TASOR: variants seen among roughly 807,000 people sequenced by gnomAD.
TASOR encodes the protein transcription activation suppressor, also known as protein TASOR.
TASOR carries 53 observed loss-of-function variants against 178.6 expected under a neutral mutation model. The observed-to-expected ratio is 0.30, with a 90% CI of 0.24 to 0.37. The LOEUF (loss-of-function observed/expected upper bound fraction) is 0.37, where lower values mean the gene tolerates loss of function less well. Ranked by LOEUF, TASOR falls within the 10% of genes least tolerant of loss-of-function variation. The pLI, the probability that TASOR is intolerant of heterozygous loss-of-function variation, is 1.00. For missense variants in TASOR, 1,815 were observed against 1,971.4 expected (o/e 0.92, Z 1.50); for synonymous variants, 713 against 696.2 (o/e 1.02, Z -0.38).
Position 56,623,000 on chromosome 3 carries a change from A to C in TASOR, c.*37T>G, listed in dbSNP as rs776184119. On this transcript the variant is annotated 3_prime_UTR_variant, in exon 24 of 24. Transcript: ENST00000683822. The stretch of plus-strand genomic sequence containing the variant: ...TGAAATATAAATTGTTAATAAACAA[A>C]GTCCACAACAATCTCTTAAAAAAAA... 9.3e-6 allele frequency: 12 copies of C among 1,292,634 alleles called. No homozygotes were observed. The highest frequency in any genetic ancestry group is 1.9e-4 in the Middle Eastern group (1 of 5,174). 80.1% of individuals were successfully genotyped at this position (1,292,634 alleles called of 1,614,324 possible). A position where few individuals can be genotyped will look rare whatever the true frequency, so the allele number is the denominator to read the frequency against.
intron 1 of TASOR, among the ~76,000 whole-genome samples, chr3:56,676,356 A>G (rs2031296446): frequency 1.3e-5 from 2 of 152,256 alleles, no homozygotes; most frequent in African/African-American, 4.8e-5. Flanking sequence ...TACGAAACAC[A>G]AATGAAAGCT....
At chr3:56,669,844 G>T in intron 4 of TASOR, 53 bp from the exon 5 acceptor site, 1 of 1,270,564 alleles carries the variant, frequency 7.9e-7, no homozygotes, top group Non-Finnish European at 1.1e-6. Flanking sequence ...AAAATCACTA[G>T]GACTAAAATA....
intron 18 of TASOR, among the ~76,000 whole-genome samples, chr3:56,629,457 A>C (rs1181630707): frequency 6.6e-6 from 1 of 152,200 alleles, no homozygotes; most frequent in Non-Finnish European, 1.5e-5. Context: ...TTTCACAACC[A>C]TAGCTCTAAT....
chr3:56,681,087 TAA>T lies in TASOR; in HGVS notation c.331+1587_331+1588del, dbSNP rs11310490. On this transcript the variant is annotated intron_variant, in intron 1 of 23. Coordinates refer to ENST00000683822, the MANE Select transcript of TASOR (RefSeq NM_001365635.2). ...CCAATCTTCTGGTCCTAACAAACAG[TAA>T]AAAAAAAAAAAAAAAAATCACGGTT... Among the ~76,000 whole-genome samples, 791 of 117,808 alleles carry T rather than the reference TAA, an allele frequency of 6.7e-3. 3 individuals are homozygous for T. Among genetic ancestry groups the T allele is most frequent in the African/African-American group, 0.02 (677 of 33,356 alleles). The allele number at this position is 117,808 out of a possible 152,430, so 77.3% of individuals were successfully genotyped here. A position where few individuals can be genotyped will look rare whatever the true frequency, so the allele number is the denominator to read the frequency against.
At chr3:56,625,035 A>G (rs1003873050) in intron 21 of TASOR, 29 bp from the exon 22 acceptor site, 1 of 1,589,364 alleles carries the variant, frequency 6.3e-7, no homozygotes, top group African/African-American at 1.4e-5. Context: ...CAGTTTCTGG[A>G]TCTGTACTTC....
chr3:56,664,537 G>A (rs539845597), intron 7 of TASOR, among the ~76,000 whole-genome samples: 17 of 152,284 alleles, frequency 1.1e-4, no homozygotes, highest in East Asian at 3.9e-4. Flanking sequence ...TAAAAGGACC[G>A]TAAATGGAAG....
chr3:56,679,404 A>G lies in TASOR; in HGVS notation c.331+3272T>C, dbSNP rs115152890. Among the ~76,000 whole-genome samples, 281 of 152,330 alleles carry G rather than the reference A, an allele frequency of 1.8e-3. 3 individuals carry two copies. The highest frequency in any genetic ancestry group is 6.5e-3 in the African/African-American group (272 of 41,580). On this transcript the variant is annotated intron_variant, in intron 1 of 23. Transcript: ENST00000683822. The stretch of plus-strand genomic sequence containing the variant: ...CTGAGGATAGCTCAAAGTAAATTTT[A>G]CCTTGATTACTTTGCTATTATGTAT...
chr3:56,678,743 G>A (rs1391526432), intron 1 of TASOR, among the ~76,000 whole-genome samples: 2 of 152,102 alleles, frequency 1.3e-5, no homozygotes, highest in South Asian at 2.1e-4. Context: ...GGGCGTGGCG[G>A]CTCATGCCTG....
rs975880732 is a variant in TASOR at position 56,622,129 on chromosome 3, G to A, written c.*908C>T. ...ATTTGCACTATGACATTTATTTGTAGAAATTGCAATTTTCAAAAACATTTT... is the reference window on the plus strand; with the variant it reads ...ATTTGCACTATGACATTTATTTGTAAAAATTGCAATTTTCAAAAACATTTT... On this transcript the variant is annotated 3_prime_UTR_variant, in exon 24 of 24. Coordinates refer to ENST00000683822, the MANE Select transcript of TASOR (RefSeq NM_001365635.2). The A allele has an allele frequency of 5.9e-5, 9 of 152,148 alleles. No individual in the cohort carries two copies. Among genetic ancestry groups the A allele is most frequent in the African/African-American group, 2.2e-4 (9 of 41,442 alleles). 9.4% of individuals were successfully genotyped at this position (152,148 alleles called of 1,614,324 possible). A position where few individuals can be genotyped will look rare whatever the true frequency, so the allele number is the denominator to read the frequency against.
chr3:56,682,609 T>G (rs922757943), intron 1 of TASOR, 67 bp downstream of exon 1: 10 of 1,357,222 alleles, frequency 7.4e-6, no homozygotes, highest in Non-Finnish European at 8.8e-6. Flanking sequence ...GAAGAGGAGA[T>G]AGAAAGATTC....
At position 56,669,754 on chromosome 3, in the gene TASOR, C is replaced by T. The variant is rs944221989; in HGVS notation, c.681G>A (p.Ala227=). The T allele has an allele frequency of 9.7e-6, 15 of 1,549,016 alleles. No individual in the cohort carries two copies. Among genetic ancestry groups the T allele is most frequent in the East Asian group, 4.9e-5 (2 of 40,860 alleles). Residue 227 remains alanine, a synonymous_variant, in exon 5 of 24, where the codon GCG becomes GCA. Transcript: ENST00000683822. ...YLSRYADLLQ[A]NPLDTGAMGD... ...CCATTGCCCCCGTGTCCAAAGGATT[C>T]GCTTGTAATAAATCAGCATACCTAG...
intron 5 of TASOR, among the ~76,000 whole-genome samples, 160 bp downstream of exon 5, chr3:56,669,540 A>G (rs1228573983): frequency 6.6e-6 from 1 of 152,090 alleles, no homozygotes; most frequent in African/African-American, 2.4e-5. Flanking sequence ...ACACACACAC[A>G]AAAAAAGATG....
At chr3:56,638,303 T>A (rs554007712) in intron 17 of TASOR, among the ~76,000 whole-genome samples, 1 of 152,038 alleles carries the variant, frequency 6.6e-6, no homozygotes, top group Non-Finnish European at 1.5e-5. Context: ...GAGGCAGAGG[T>A]TGCAGTGAGC....
intron 11 of TASOR, among the ~76,000 whole-genome samples, chr3:56,656,120 G>T (rs572959531): frequency 1.3e-5 from 2 of 151,924 alleles, no homozygotes; most frequent in East Asian, 3.9e-4. Context: ...AAGATGAGAA[G>T]AAAAAAATAA....
Position 56,646,752 on chromosome 3 carries a change from G to A in TASOR, c.1985C>T (p.Ala662Val). 1 of 1,613,660 alleles carries A rather than the reference G, an allele frequency of 6.2e-7. No homozygotes were observed. Among genetic ancestry groups the A allele is most frequent in the Non-Finnish European group, 8.5e-7 (1 of 1,179,794 alleles). ...TGATCTTTGCTTTCCAGATATAATGGCTTCACCTCTTGAGTTATTTCGTTT... is the reference window on the plus strand; with the variant it reads ...TGATCTTTGCTTTCCAGATATAATGACTTCACCTCTTGAGTTATTTCGTTT... The part of the protein sequence containing the change: ...FGKRNNSRGE[A>V]IISGKQRSSH... Residue 662 changes from alanine to valine, a missense_variant, in exon 14 of 24, where the codon GCC (alanine) becomes GTC (valine). Physicochemically the swap from Ala to Val is moderately conservative, Grantham distance 64. Transcript: ENST00000683822.
At chr3:56,634,056 ACAC>A in intron 17 of TASOR, 90 bp from the exon 18 acceptor site, 1 of 1,020,108 alleles carries the variant, frequency 9.8e-7, no homozygotes, top group Non-Finnish European at 1.4e-6. Flanking sequence ...AAAAGGGTTA[ACAC>A]ACATTTAGAA....
intron 14 of TASOR, among the ~76,000 whole-genome samples, chr3:56,644,562 G>GA (rs1250062366): frequency 6.6e-6 from 1 of 152,152 alleles, no homozygotes. Flanking sequence ...ACATGTGAGA[G>GA]AACAGTGGGA....
rs1029880705 is a variant in TASOR at position 56,682,862 on chromosome 3, C to T, written c.145G>A (p.Ala49Thr). The change falls in exon 1 of 24, where the codon GCT (alanine) becomes ACT (threonine). Residue 49 changes from alanine (A) to threonine (T), a missense_variant. Ala to Thr is a moderately conservative substitution (Grantham distance 58). Around this residue, in one of 5 missense-constraint regions of TASOR, gnomAD observed 244 missense variants for 202.7 expected, o/e 1.20. Coordinates refer to ENST00000683822, the MANE Select transcript of TASOR (RefSeq NM_001365635.2). ...QNGGGGGLNIAEPSGGAGREE... is the reference protein window; with the variant it reads ...QNGGGGGLNITEPSGGAGREE... ...CGCCCAGCGCCGCCGCTGGGCTCAG[C>T]GATGTTGAGGCCGCCGCCGCCGCCA... is the stretch of plus-strand genomic sequence containing the variant. 8 of 1,549,768 alleles carry T rather than the reference C, an allele frequency of 5.2e-6. No individual in the cohort carries two copies. In the African/African-American group the frequency reaches 9.6e-5, roughly 19 times the overall value.
At chr3:56,645,402 C>T (rs953991800) in intron 14 of TASOR, among the ~76,000 whole-genome samples, 2 of 152,278 alleles carry the variant, frequency 1.3e-5, no homozygotes, top group South Asian at 2.1e-4. Flanking sequence ...TCTGACTAAC[C>T]TAGACTAAGA....
Sources: gnomAD v4.1 joint callset for allele counts (sites outside exome capture counted in the v4.1 genomes callset) on GRCh38, gnomAD v4.1.1 for gene constraint, gnomAD v4.1.1 regional missense constraint, MANE v1.5 for transcripts, NCBI Gene and HGNC (gene_info 2026-07-23, HGNC 2026-07-21) for gene names.